GRID1: variants seen among roughly 807,000 people sequenced by gnomAD.
GRID1 encodes glutamate ionotropic receptor delta type subunit 1.
A neutral mutation model predicts 98.0 loss-of-function variants in GRID1; 28 were observed. That is an observed-to-expected ratio of 0.29 (90% CI 0.21 to 0.39). The LOEUF (loss-of-function observed/expected upper bound fraction) is 0.39, where lower values mean the gene tolerates loss of function less well. GRID1 is among the 10% of genes least tolerant of loss of function. The pLI is 1.00. For missense variants in GRID1, 1,111 were observed against 1,340.5 expected (o/e 0.83, Z 2.67); for synonymous variants, 553 against 538.5 (o/e 1.03, Z -0.37).
chr10:85,846,207 A>C (rs1843003502), intron 8 of GRID1, among the ~76,000 whole-genome samples: 1 of 152,248 alleles, frequency 6.6e-6, no homozygotes, highest in Non-Finnish European at 1.5e-5. Flanking sequence ...TAAAAATAAA[A>C]TCTACCACCT....
intron 4 of GRID1, among the ~76,000 whole-genome samples, chr10:86,131,849 G>A (rs564576258): frequency 2.6e-5 from 4 of 152,272 alleles, no homozygotes; most frequent in Admixed American, 2.0e-4. Context: ...CGTTTGTGTG[G>A]GGACAGAAGT....
chr10:86,072,402 C>T (rs1843817123), intron 4 of GRID1, among the ~76,000 whole-genome samples: 3 of 152,236 alleles, frequency 2.0e-5, no homozygotes, highest in East Asian at 1.9e-4. Flanking sequence ...AGCCATTTTT[C>T]GGGCCAGTCG....
chr10:85,765,489 A>G (rs1042337338), intron 8 of GRID1, among the ~76,000 whole-genome samples: 1 of 152,218 alleles, frequency 6.6e-6, no homozygotes, highest in African/African-American at 2.4e-5. Flanking sequence ...GAGCATTGAC[A>G]TGACACAAAT....
At chr10:85,683,572 A>G (rs1459973068) in intron 12 of GRID1, among the ~76,000 whole-genome samples, 2 of 152,236 alleles carry the variant, frequency 1.3e-5, no homozygotes, top group Admixed American at 6.5e-5. Flanking sequence ...CATTAAAAGC[A>G]GCAGTTGTAA....
intron 13 of GRID1, among the ~76,000 whole-genome samples, chr10:85,621,761 T>C (rs149572197): frequency 2.7e-4 from 41 of 152,278 alleles, no homozygotes; most frequent in African/African-American, 8.4e-4. Context: ...CTCTCCTTCC[T>C]TGTAGGAAGA....
chr10:86,336,203 G>A (rs1019090211), intron 2 of GRID1, among the ~76,000 whole-genome samples: 18 of 152,224 alleles, frequency 1.2e-4, no homozygotes, highest in African/African-American at 4.1e-4. Flanking sequence ...CTAAGAAGGA[G>A]ATTGTTTCAC....
intron 8 of GRID1, among the ~76,000 whole-genome samples, chr10:85,737,907 T>C (rs1439564670): frequency 1.3e-5 from 2 of 151,810 alleles, no homozygotes; most frequent in African/African-American, 2.4e-5. Flanking sequence ...TTCTGCTCTA[T>C]GGCAGAGCAT....
intron 12 of GRID1, among the ~76,000 whole-genome samples, chr10:85,714,763 G>T (rs946726001): frequency 6.6e-6 from 1 of 151,992 alleles, no homozygotes; most frequent in African/African-American, 2.4e-5. Context: ...TAAATGGAAA[G>T]ATGTCCTATA....
chr10:86,053,414 G>A (rs916950944), intron 4 of GRID1, among the ~76,000 whole-genome samples: 17 of 151,336 alleles, frequency 1.1e-4, no homozygotes, highest in African/African-American at 4.1e-4. Flanking sequence ...CTAGAGTGCA[G>A]TGGCGCAATC....
intron 4 of GRID1, among the ~76,000 whole-genome samples, chr10:85,998,856 T>C (rs1327381062): frequency 6.6e-6 from 1 of 152,162 alleles, no homozygotes; most frequent in Non-Finnish European, 1.5e-5. Flanking sequence ...AAGGGAATAC[T>C]ACAAACAACT....
At chr10:86,325,038 C>G (rs1848028037) in intron 2 of GRID1, among the ~76,000 whole-genome samples, 1 of 152,052 alleles carries the variant, frequency 6.6e-6, no homozygotes, top group Non-Finnish European at 1.5e-5. Context: ...ACTATATGAA[C>G]CTTGCAACAC....
At chr10:85,785,609 A>T (rs1842420651) in intron 8 of GRID1, among the ~76,000 whole-genome samples, 1 of 152,194 alleles carries the variant, frequency 6.6e-6, no homozygotes, top group Admixed American at 6.5e-5. Flanking sequence ...TGTCTCCTCC[A>T]GTCGCCAAGG....
intron 4 of GRID1, among the ~76,000 whole-genome samples, chr10:86,117,284 C>G (rs1394615106): frequency 1.3e-5 from 2 of 151,154 alleles, no homozygotes; most frequent in Non-Finnish European, 3.0e-5. Flanking sequence ...ACACCAACAC[C>G]ATCACCACCA....
intron 8 of GRID1, among the ~76,000 whole-genome samples, chr10:85,783,947 G>C (rs1842403137): frequency 6.6e-6 from 1 of 152,174 alleles, no homozygotes; most frequent in Non-Finnish European, 1.5e-5. Flanking sequence ...GTTGAGGTTG[G>C]GAGATATCGC....
chr10:85,857,070 G>A (rs1052673816), intron 6 of GRID1, among the ~76,000 whole-genome samples: 3 of 152,324 alleles, frequency 2.0e-5, no homozygotes, highest in Admixed American at 6.5e-5. Context: ...GTGAATGGTG[G>A]CCTGAGTGAC....
At chr10:86,231,889 C>T (rs763412416) in intron 2 of GRID1, among the ~76,000 whole-genome samples, 3 of 152,178 alleles carry the variant, frequency 2.0e-5, no homozygotes, top group Non-Finnish European at 4.4e-5. Context: ...CTCCATGTGA[C>T]CATGATTCCC....
At chr10:85,700,492 AAAGT>A (rs1355935805) in intron 12 of GRID1, among the ~76,000 whole-genome samples, 2 of 152,214 alleles carry the variant, frequency 1.3e-5, no homozygotes, top group Non-Finnish European at 2.9e-5. Flanking sequence ...ATTTTTAAAC[AAAGT>A]ATTTCCTAAA....
At chr10:85,827,926 C>T (rs1842834110) in intron 8 of GRID1, among the ~76,000 whole-genome samples, 1 of 152,048 alleles carries the variant, frequency 6.6e-6, no homozygotes, top group South Asian at 2.1e-4. Flanking sequence ...TGGCACTCAA[C>T]AAAATGGACC....
chr10:86,292,456 C>T (rs1162544297), intron 2 of GRID1, among the ~76,000 whole-genome samples: 2 of 152,254 alleles, frequency 1.3e-5, no homozygotes, highest in Non-Finnish European at 2.9e-5. Context: ...TCTCAGTTCT[C>T]AGGAAGAGCA....
Sources: gnomAD v4.1 joint callset for allele counts (sites outside exome capture counted in the v4.1 genomes callset) on GRCh38, gnomAD v4.1.1 for gene constraint, MANE v1.5 for transcripts, NCBI Gene and HGNC (gene_info 2026-07-23, HGNC 2026-07-21) for gene names.